ARID4A: variants seen among roughly 807,000 people sequenced by gnomAD.
ARID4A encodes the protein AT-rich interactive domain-containing protein 4A.
ARID4A carries 39 observed loss-of-function variants against 148.6 expected under a neutral mutation model. The observed-to-expected ratio is 0.26, with a 90% CI of 0.20 to 0.34. ARID4A has a LOEUF of 0.34. Ranked by LOEUF, ARID4A falls within the 10% of genes least tolerant of loss-of-function variation. The probability of loss-of-function intolerance (pLI) is 1.00; values close to 1 mark genes in which losing one functional copy is unlikely to be tolerated. For synonymous variants in ARID4A, 475 were observed against 481.2 expected, an observed-to-expected ratio of 0.99 and a Z score of 0.17; for missense variants, 1,265 against 1,449.1, an observed-to-expected ratio of 0.87 and a Z score of 2.06.
intron 23 of ARID4A, among the ~76,000 whole-genome samples, chr14:58,370,619 C>T (rs1247943150): frequency 6.6e-6 from 1 of 151,126 alleles, no homozygotes; most frequent in Non-Finnish European, 1.5e-5. Flanking sequence ...TTATTACCGT[C>T]TTTTTTGTTG....
chr14:58,332,400 A>G (rs10142973), intron 11 of ARID4A, among the ~76,000 whole-genome samples: 106,225 of 151,888 alleles, frequency 0.7, 37,484 homozygotes, highest in Middle Eastern at 0.86. Flanking sequence ...CGGATGGTCA[A>G]TTTCATAGCA....
chr14:58,315,448 A>G (rs1286659131), intron 5 of ARID4A, among the ~76,000 whole-genome samples: 1 of 152,230 alleles, frequency 6.6e-6, no homozygotes, highest in African/African-American at 2.4e-5. Flanking sequence ...ATGATAAAAC[A>G]TTATAGAAAA....
Position 58,347,861 on chromosome 14 carries a change from G to A in ARID4A, c.1387G>A (p.Glu463Lys), listed in dbSNP as rs760471786. The A allele has an allele frequency of 6.2e-7, 1 of 1,610,860 alleles. No homozygotes were observed. The highest frequency in any genetic ancestry group is 1.1e-5 in the South Asian group (1 of 90,646). Residue 463 changes from glutamate to lysine, a missense_variant, in exon 15 of 24, where the codon GAA becomes AAA. By Grantham distance (56) the Glu-to-Lys change is moderately conservative (BLOSUM62 1). Around this residue, in one of 9 missense-constraint regions of ARID4A, gnomAD observed 205 missense variants for 196.9 expected, o/e 1.04. Transcript: ENST00000355431. ...CAGTGAAAGTGAAAGAGAAGAGATA[G>A]AATTAAAATCTCCGAGGGTGAGTTC... ...SNSESEREEI[E>K]LKSPRGRRRI...
At chr14:58,355,979 A>T (rs149247316) in intron 17 of ARID4A, among the ~76,000 whole-genome samples, 225 of 152,182 alleles carry the variant, frequency 1.5e-3, no homozygotes, top group Middle Eastern at 0.014. Flanking sequence ...CTCCTGGTTC[A>T]TGGTTTTTCG....
At chr14:58,352,454 T>G (rs1173662544) in intron 16 of ARID4A, among the ~76,000 whole-genome samples, 1 of 152,180 alleles carries the variant, frequency 6.6e-6, no homozygotes, top group Non-Finnish European at 1.5e-5. Flanking sequence ...TATTGTAATA[T>G]GTATATAAAA....
At chr14:58,367,355 T>C (rs2035401701) in intron 23 of ARID4A, among the ~76,000 whole-genome samples, 2 of 152,224 alleles carry the variant, frequency 1.3e-5, no homozygotes, top group African/African-American at 4.8e-5. Flanking sequence ...TGTTATGGGG[T>C]TCACCAAAAT....
chr14:58,314,085 A>G (rs532378054), intron 5 of ARID4A, among the ~76,000 whole-genome samples: 1 of 152,354 alleles, frequency 6.6e-6, no homozygotes, highest in Admixed American at 6.5e-5. Context: ...ACTTTTGGTT[A>G]TATGTATGTT....
At position 58,364,928 on chromosome 14, in the gene ARID4A, G is replaced by A; in HGVS notation, c.2839G>A (p.Asp947Asn). 6.2e-7 allele frequency: 1 copy of A among 1,614,142 alleles called. No homozygotes were observed. The highest frequency in any genetic ancestry group is 2.2e-5 in the East Asian group (1 of 44,878). Residue 947 changes from aspartate to asparagine, a missense_variant, in exon 20 of 24, where the codon GAT becomes AAT. Physicochemically the swap from Asp to Asn is conservative, Grantham distance 23. Around this residue, in one of 9 missense-constraint regions of ARID4A, gnomAD observed 666 missense variants for 730.9 expected, o/e 0.91. Coordinates refer to ENST00000355431, the MANE Select transcript of ARID4A (RefSeq NM_002892.4). ...TVNIPLKEDE[D>N]AMPLIGPETL... ...AAATATTCCACTAAAAGAAGATGAG[G>A]ATGCAATGCCTCTGATCGGGCCTGA...
At chr14:58,319,717 A>G (rs35011991) in intron 7 of ARID4A, among the ~76,000 whole-genome samples, 66,504 of 148,732 alleles carry the variant, frequency 0.45, 16,335 homozygotes, top group Middle Eastern at 0.61. Context: ...TAGTTTTTGT[A>G]TTCTTAATAG....
intron 5 of ARID4A, among the ~76,000 whole-genome samples, chr14:58,310,844 T>C (rs2031974070): frequency 6.6e-6 from 1 of 151,864 alleles, no homozygotes; most frequent in Non-Finnish European, 1.5e-5. Context: ...AAGACAACCT[T>C]CATAATTGGA....
At chr14:58,348,355 C>A (rs1015424076) in intron 15 of ARID4A, among the ~76,000 whole-genome samples, 1 of 152,166 alleles carries the variant, frequency 6.6e-6, no homozygotes, top group African/African-American at 2.4e-5. Context: ...TGACAGATGC[C>A]ACGCATTTAG....
intron 23 of ARID4A, 107 bp from the exon 24 acceptor site, chr14:58,371,779 C>A: frequency 2.3e-6 from 2 of 869,660 alleles, no homozygotes; most frequent in African/African-American, 1.7e-5. Flanking sequence ...TATAAGAGGC[C>A]TGTGATTAAG....
At chr14:58,362,688 G>A (rs1464168553) in intron 19 of ARID4A, among the ~76,000 whole-genome samples, 1 of 151,876 alleles carries the variant, frequency 6.6e-6, no homozygotes, top group Non-Finnish European at 1.5e-5. Flanking sequence ...CTCCCAAGTA[G>A]CTGGGACCAC....
chr14:58,310,963 A>AGGCT (rs2031983867), intron 5 of ARID4A, among the ~76,000 whole-genome samples: 1 of 151,876 alleles, frequency 6.6e-6, no homozygotes, highest in Admixed American at 6.6e-5. Context: ...AATGGGCAAA[A>AGGCT]GGCTGGGCAC....
At chr14:58,338,658 C>T (rs1288354420) in intron 11 of ARID4A, among the ~76,000 whole-genome samples, 1 of 151,716 alleles carries the variant, frequency 6.6e-6, no homozygotes. Flanking sequence ...AAGGGTAGCC[C>T]ATGAAGAGGG....
chr14:58,303,471 T>C (rs924553151), intron 3 of ARID4A: 4 of 459,120 alleles, frequency 8.7e-6, no homozygotes, highest in African/African-American at 8.0e-5. Context: ...ATTATTGTCA[T>C]TGGTATTGGA....
At chr14:58,314,888 G>C (rs1467794981) in intron 5 of ARID4A, among the ~76,000 whole-genome samples, 1 of 152,324 alleles carries the variant, frequency 6.6e-6, no homozygotes, top group East Asian at 1.9e-4. Flanking sequence ...GAAGGCCAAG[G>C]TGGGTGGAAC....
At chr14:58,334,463 G>A (rs187624479) in intron 11 of ARID4A, among the ~76,000 whole-genome samples, 88 of 152,134 alleles carry the variant, frequency 5.8e-4, no homozygotes, top group Non-Finnish European at 1.2e-3. Flanking sequence ...TTCTGTAGGT[G>A]TAAAACAGGA....
At chr14:58,301,064 C>G (rs2031123430) in intron 2 of ARID4A, among the ~76,000 whole-genome samples, 1 of 152,160 alleles carries the variant, frequency 6.6e-6, no homozygotes, top group Non-Finnish European at 1.5e-5. Context: ...AGACTTAAAA[C>G]CTTTCAAGTG....
Sources: gnomAD v4.1 joint callset for allele counts (sites outside exome capture counted in the v4.1 genomes callset) on GRCh38, gnomAD v4.1.1 for gene constraint, gnomAD v4.1.1 regional missense constraint, MANE v1.5 for transcripts, NCBI Gene and HGNC (gene_info 2026-07-23, HGNC 2026-07-21) for gene names.